PEX5L: variants seen among roughly 807,000 people sequenced by gnomAD.
PEX5L encodes peroxisomal biogenesis factor 5 like.
Under a neutral mutation model 84.0 loss-of-function variants are expected in PEX5L, and 30 were observed. The observed-to-expected ratio is 0.36, with a 90% CI of 0.27 to 0.48. PEX5L has a LOEUF of 0.48. Ranked by LOEUF, PEX5L falls within the 20% of genes least tolerant of loss-of-function variation. The pLI, the probability that PEX5L is intolerant of heterozygous loss-of-function variation, is 0.99. For missense variants in PEX5L, 533 were observed against 754.6 expected, an observed-to-expected ratio of 0.71 and a Z score of 3.44; for synonymous variants, 270 against 283.1, an observed-to-expected ratio of 0.95 and a Z score of 0.46.
At chr3:179,807,522 C>T (rs1721807469) in intron 14 of PEX5L, 152 bp downstream of exon 14, 2 of 669,676 alleles carry the variant, frequency 3.0e-6, no homozygotes, top group African/African-American at 1.8e-5. Context: ...CTCAAACAGG[C>T]CTTGGGATCT....
intron 2 of PEX5L, among the ~76,000 whole-genome samples, chr3:179,948,531 G>A (rs975097815): frequency 3.9e-5 from 6 of 152,210 alleles, no homozygotes; most frequent in African/African-American, 1.2e-4. Context: ...CAGGAAGGCA[G>A]CATGGGAGAA....
chr3:179,983,776 T>TA (rs1349844434), intron 1 of PEX5L, among the ~76,000 whole-genome samples: 1 of 152,066 alleles, frequency 6.6e-6, no homozygotes, highest in East Asian at 1.9e-4. Context: ...GAATGAAAAT[T>TA]AGAGATTTAG....
rs1787726931 is a variant in PEX5L at position 179,994,971 on chromosome 3, G to A, written c.22-23306C>T. On this transcript the variant is annotated intron_variant, in intron 1 of 14. Coordinates refer to ENST00000467460, the MANE Select transcript of PEX5L (RefSeq NM_016559.3). Reference sequence around the variant, plus strand: ...GCCTATTGTGAAACCTTTTGATTGTGTGAGTTAATACTTAATAAACTCCCA... The same window carrying A: ...GCCTATTGTGAAACCTTTTGATTGTATGAGTTAATACTTAATAAACTCCCA... 3.3e-5 allele frequency among the ~76,000 whole-genome samples: 5 copies of A among 151,464 alleles called. No homozygotes were observed. The Admixed American group carries it at 3.3e-4, about 10-fold the overall frequency.
At chr3:179,841,146 C>T (rs752097339) in intron 8 of PEX5L, among the ~76,000 whole-genome samples, 13 of 152,182 alleles carry the variant, frequency 8.5e-5, no homozygotes, top group Non-Finnish European at 1.8e-4. Context: ...ACAGAGCCCA[C>T]ATTCCATACC....
intron 2 of PEX5L, among the ~76,000 whole-genome samples, chr3:179,909,449 G>A (rs1339621940): frequency 6.6e-6 from 1 of 152,186 alleles, no homozygotes; most frequent in Non-Finnish European, 1.5e-5. Context: ...GATGACTTAA[G>A]TCAAAGCAAA....
intron 1 of PEX5L, among the ~76,000 whole-genome samples, chr3:179,987,990 T>C (rs1391524809): frequency 6.6e-6 from 1 of 152,182 alleles, no homozygotes. Flanking sequence ...GTTTTTCCCA[T>C]ATTCAAAGGC....
chr3:179,900,795 CT>C (rs1487633989), intron 2 of PEX5L: 14 of 1,187,378 alleles, frequency 1.2e-5, no homozygotes, highest in African/African-American at 3.0e-5. Context: ...TCTTTACAGC[CT>C]TTTTTGGCTT....
At chr3:179,919,044 T>C (rs1043980539) in intron 2 of PEX5L, among the ~76,000 whole-genome samples, 12 of 152,226 alleles carry the variant, frequency 7.9e-5, no homozygotes, top group Non-Finnish European at 1.8e-4. Context: ...CTTGGTCAAG[T>C]ACTATTTCAT....
At chr3:179,809,073 C>CAAAAA (rs10684376) in intron 12 of PEX5L, among the ~76,000 whole-genome samples, 2,438 of 47,768 alleles carry the variant, frequency 0.051, 459 homozygotes, top group Non-Finnish European at 0.064. Context: ...GATTCCGCCT[C>CAAAAA]AAAAAAAAAA....
At chr3:179,868,411 T>C (rs866096427) in intron 7 of PEX5L, among the ~76,000 whole-genome samples, 2 of 152,294 alleles carry the variant, frequency 1.3e-5, no homozygotes, top group Middle Eastern at 3.4e-3. Context: ...CTAAGATGCA[T>C]TTCCTTTTAC....
At chr3:179,802,078 G>C in intron 14 of PEX5L, 46 bp from the exon 15 acceptor site, 2 of 1,340,322 alleles carry the variant, frequency 1.5e-6, no homozygotes, top group Non-Finnish European at 2.1e-6. Context: ...ACATTTCAGA[G>C]TTAGCAAATG....
At chr3:179,983,578 C>A (rs1395629145) in intron 1 of PEX5L, among the ~76,000 whole-genome samples, 1 of 151,878 alleles carries the variant, frequency 6.6e-6, no homozygotes, top group Non-Finnish European at 1.5e-5. Flanking sequence ...TGGCACCAAA[C>A]AATACTAGTT....
chr3:180,002,565 T>C (rs1388272952), intron 1 of PEX5L, among the ~76,000 whole-genome samples: 1 of 152,118 alleles, frequency 6.6e-6, no homozygotes, highest in Non-Finnish European at 1.5e-5. Flanking sequence ...GTGTTTTGGG[T>C]CTGTTTATGG....
At chr3:179,955,068 A>C (rs1780146538) in intron 2 of PEX5L, among the ~76,000 whole-genome samples, 1 of 152,132 alleles carries the variant, frequency 6.6e-6, no homozygotes, top group African/African-American at 2.4e-5. Flanking sequence ...CCTGTCCTAT[A>C]ATGTGGCTTC....
chr3:179,953,589 G>T (rs535432362), intron 2 of PEX5L, among the ~76,000 whole-genome samples: 43 of 152,258 alleles, frequency 2.8e-4, no homozygotes, highest in African/African-American at 8.2e-4. Context: ...ATTTCATTTT[G>T]TTTTGAGAAG....
At chr3:179,828,783 T>C (rs560874370) in intron 8 of PEX5L, among the ~76,000 whole-genome samples, 1 of 152,178 alleles carries the variant, frequency 6.6e-6, no homozygotes, top group African/African-American at 2.4e-5. Context: ...CTAATTTTTG[T>C]GTATCCTGCG....
chr3:179,873,687 G>A (rs988339572), intron 7 of PEX5L, among the ~76,000 whole-genome samples: 4 of 152,142 alleles, frequency 2.6e-5, no homozygotes, highest in African/African-American at 9.7e-5. Flanking sequence ...AGTGTCCCAG[G>A]AAAATGTGCT....
intron 14 of PEX5L, chr3:179,804,347 A>C (rs754070079): frequency 9.9e-5 from 15 of 152,180 alleles, no homozygotes; most frequent in Non-Finnish European, 1.5e-4. Flanking sequence ...ATGATTAATA[A>C]AAAGCCCATT....
At chr3:179,818,771 TA>T (rs886743273) in intron 9 of PEX5L, among the ~76,000 whole-genome samples, 3 of 152,148 alleles carry the variant, frequency 2.0e-5, no homozygotes, top group African/African-American at 2.4e-5. Context: ...CATGTTGTTA[TA>T]AATGACAGGA....
Sources: allele counts gnomAD v4.1 joint callset (sites outside exome capture counted in the v4.1 genomes callset), GRCh38; gene constraint gnomAD v4.1.1; transcripts MANE v1.5; gene names NCBI Gene and HGNC (gene_info 2026-07-23, HGNC 2026-07-21).